Variants in NPAS2 observed in about 807,000 individuals in gnomAD.
NPAS2 encodes the protein neuronal PAS domain protein 2.
NPAS2 carries 23 observed loss-of-function variants against 107.5 expected under a neutral mutation model. The ratio of observed to expected loss-of-function variants is 0.21; its 90% CI spans 0.15 to 0.30. The LOEUF is 0.30. Among genes scored for constraint, NPAS2 ranks in the 10% least tolerant of loss-of-function variants. NPAS2 has a pLI of 1.00. For missense variants in NPAS2, 756 were observed against 1,043.3 expected (o/e 0.72, Z 3.79); for synonymous variants, 403 against 417.5 (o/e 0.97, Z 0.42).
At chr2:100,975,097 CT>C (rs1676887882) in intron 13 of NPAS2, among the ~76,000 whole-genome samples, 153 bp downstream of exon 13, 1 of 152,106 alleles carries the variant, frequency 6.6e-6, no homozygotes, top group Non-Finnish European at 1.5e-5. Flanking sequence ...CTTTCCCAGA[CT>C]TCCCGCCTCC....
At chr2:100,920,712 A>G (rs1173278245) in intron 2 of NPAS2, among the ~76,000 whole-genome samples, 3 of 152,194 alleles carry the variant, frequency 2.0e-5, no homozygotes, top group Non-Finnish European at 4.4e-5. Context: ...TGGAAAAAGG[A>G]ATGAAACAGA....
chr2:100,826,577 A>G (rs917490695), intron 1 of NPAS2, among the ~76,000 whole-genome samples: 2 of 152,244 alleles, frequency 1.3e-5, no homozygotes, highest in Non-Finnish European at 2.9e-5. Flanking sequence ...AGTATTATTC[A>G]GAAGTACAAA....
intron 3 of NPAS2, among the ~76,000 whole-genome samples, chr2:100,929,303 C>A (rs746860884): frequency 6.6e-6 from 1 of 152,128 alleles, no homozygotes; most frequent in Admixed American, 6.5e-5. Context: ...GAATCTAAGC[C>A]CAGCAGCCTG....
intron 1 of NPAS2, among the ~76,000 whole-genome samples, chr2:100,904,061 C>T (rs1439300230): frequency 6.6e-6 from 1 of 152,226 alleles, no homozygotes; most frequent in East Asian, 1.9e-4. Flanking sequence ...GGAGAGTAAA[C>T]GCCCTAAGGG....
chr2:100,850,078 A>G (rs1678070527), intron 1 of NPAS2, among the ~76,000 whole-genome samples: 1 of 150,280 alleles, frequency 6.7e-6, no homozygotes, highest in Non-Finnish European at 1.5e-5. Context: ...AATTCAGTGT[A>G]TAGAATTTTC....
intron 1 of NPAS2, among the ~76,000 whole-genome samples, chr2:100,838,734 AG>A (rs1170946630): frequency 6.6e-6 from 1 of 152,192 alleles, no homozygotes; most frequent in Non-Finnish European, 1.5e-5. Flanking sequence ...GCCTTCTCAA[AG>A]GGGTGTTCAT....
At chr2:100,958,830 T>C (rs1156905983) in intron 7 of NPAS2, among the ~76,000 whole-genome samples, 1 of 152,110 alleles carries the variant, frequency 6.6e-6, no homozygotes, top group African/African-American at 2.4e-5. Flanking sequence ...ACCAACCGTC[T>C]AGTGGATATC....
chr2:100,870,145 C>T (rs901661212), intron 1 of NPAS2, among the ~76,000 whole-genome samples: 2 of 152,060 alleles, frequency 1.3e-5, no homozygotes, highest in Non-Finnish European at 1.5e-5. Context: ...GTGATCCGCC[C>T]GCCTTGGCCT....
chr2:100,866,180 G>GGGGGTGAT (rs1170073891), intron 1 of NPAS2, among the ~76,000 whole-genome samples: 1 of 152,208 alleles, frequency 6.6e-6, no homozygotes, highest in Non-Finnish European at 1.5e-5. Context: ...GAGGAGTTGA[G>GGGGGTGAT]GGGGTGATGG....
At chr2:100,847,495 G>A (rs2104453392) in intron 1 of NPAS2, among the ~76,000 whole-genome samples, 1 of 152,166 alleles carries the variant, frequency 6.6e-6, no homozygotes, top group East Asian at 1.9e-4. Flanking sequence ...TCAGCCTCCG[G>A]AGTAGCTGGG....
intron 1 of NPAS2, among the ~76,000 whole-genome samples, chr2:100,887,681 CTTTTTTTTTTTTT>C (rs1680792033): frequency 6.9e-6 from 1 of 145,056 alleles, no homozygotes; most frequent in Middle Eastern, 3.3e-3. Flanking sequence ...TTTTCTTTTT[CTTTTTTTTTTTTT>C]GAGCCATCTT....
At position 100,990,450 on chromosome 2, in the gene NPAS2, C is replaced by A; in HGVS notation, c.2018+4C>A. On this transcript the variant is annotated splice_donor_region_variant and intron_variant, in intron 18 of 20. Transcript: ENST00000335681. ...TCAGCCATGATCGGCAGCTCAGGTA[C>A]GAGACTGCCCTTGTTTAAAGGATAA... 1 of 1,613,960 alleles carries A rather than the reference C, an allele frequency of 6.2e-7. No homozygotes were observed. The highest frequency in any genetic ancestry group is 8.5e-7 in the Non-Finnish European group (1 of 1,179,846).
At chr2:100,852,225 T>C (rs1678234811) in intron 1 of NPAS2, among the ~76,000 whole-genome samples, 1 of 151,824 alleles carries the variant, frequency 6.6e-6, no homozygotes, top group Non-Finnish European at 1.5e-5. Context: ...TGAAACCCCG[T>C]CTCTCCTAAA....
chr2:100,914,037 A>G (rs989048897), intron 2 of NPAS2, among the ~76,000 whole-genome samples: 2 of 152,166 alleles, frequency 1.3e-5, no homozygotes, highest in Admixed American at 1.3e-4. Flanking sequence ...CACCTGTATC[A>G]TCTCTTCACC....
At position 100,912,215 on chromosome 2, in the gene NPAS2, C is replaced by CATTT. The variant is rs200504991; in HGVS notation, c.32+7469_32+7472dup. ...CCTTCTAGAAAGGTTCAGTTTGCTC[C>CATTT]ATTTATTTATTTATTTATTTATTTA... On this transcript the variant is annotated intron_variant, in intron 2 of 20. Coordinates refer to ENST00000335681, the MANE Select transcript of NPAS2 (RefSeq NM_002518.4). Among the ~76,000 whole-genome samples, 1,054 of 143,382 alleles carry CATTT rather than the reference C, an allele frequency of 7.4e-3. 6 individuals carry two copies. Among genetic ancestry groups the CATTT allele is most frequent in the Non-Finnish European group, 8.7e-3 (574 of 66,150 alleles). The allele number at this position is 143,382 out of a possible 152,430, so 94.1% of individuals were successfully genotyped here.
At chr2:100,916,266 A>G (rs570541192) in intron 2 of NPAS2, among the ~76,000 whole-genome samples, 13 of 152,232 alleles carry the variant, frequency 8.5e-5, no homozygotes, top group Non-Finnish European at 1.9e-4. Context: ...CATTAAATGT[A>G]AATTGTCTAA....
At chr2:100,944,468 C>T (rs1466879990) in intron 5 of NPAS2, among the ~76,000 whole-genome samples, 1 of 152,176 alleles carries the variant, frequency 6.6e-6, no homozygotes, top group Admixed American at 6.5e-5. Flanking sequence ...CCTTCCCGAT[C>T]GTGGGACTCG....
At chr2:100,877,678 A>G (rs755239771) in intron 1 of NPAS2, among the ~76,000 whole-genome samples, 24 of 151,952 alleles carry the variant, frequency 1.6e-4, no homozygotes, top group Admixed American at 9.8e-4. Context: ...CACCATGTGC[A>G]TTTTCTGATA....
intron 12 of NPAS2, among the ~76,000 whole-genome samples, chr2:100,971,964 CA>C (rs1320642722): frequency 1.4e-5 from 2 of 141,438 alleles, no homozygotes; most frequent in Non-Finnish European, 3.0e-5. Flanking sequence ...TTTTTTGAGA[CA>C]AAGTCTCACT....
Sources: allele counts gnomAD v4.1 joint callset (sites outside exome capture counted in the v4.1 genomes callset), GRCh38; gene constraint gnomAD v4.1.1; transcripts MANE v1.5; gene names NCBI Gene and HGNC (gene_info 2026-07-23, HGNC 2026-07-21).